The following RPL37A variants were observed in gnomAD, a reference collection of about 807,000 sequenced individuals.
RPL37A encodes the protein large ribosomal subunit protein eL43.
Under a neutral mutation model 13.6 loss-of-function variants are expected in RPL37A, and 5 were observed. The observed-to-expected ratio is 0.37, with a 90% CI of 0.19 to 0.78. RPL37A has a LOEUF of 0.78. Ranked by LOEUF, RPL37A falls within the 30% of genes least tolerant of loss-of-function variation. The pLI is 0.49. For synonymous variants in RPL37A, 50 were observed against 44.4 expected (o/e 1.13, Z -0.50); for missense variants, 77 against 120.0 (o/e 0.64, Z 1.67).
At position 216,501,652 on chromosome 2, in the gene RPL37A, C is replaced by A; in HGVS notation, c.*248C>A. On this transcript the variant is annotated 3_prime_UTR_variant, in exon 4 of 4. Coordinates refer to ENST00000491306, the MANE Select transcript of RPL37A (RefSeq NM_000998.5). ...ATATGAGTGTTAGCTTTTTATAAGT[C>A]TGCTCCTGCCAGTTTGACTTTGAGA... 1 of 333,352 alleles carries A rather than the reference C, an allele frequency of 3.0e-6. No individual in the cohort carries two copies. Among genetic ancestry groups the A allele is most frequent in the Non-Finnish European group, 5.5e-6 (1 of 182,932 alleles). The allele number at this position is 333,352 out of a possible 1,614,324, so 20.6% of individuals were successfully genotyped here.
intron 2 of RPL37A, chr2:216,499,636 C>T (rs537094015): frequency 2.4e-4 from 154 of 636,378 alleles, no homozygotes; most frequent in Admixed American, 8.0e-4. Flanking sequence ...TGACAGAGTG[C>T]CCCCAGCCTA....
Position 216,504,064 on chromosome 2 carries a change from G to GT in RPL37A, c.*2661dup, listed in dbSNP as rs1489275280. ...TGAACATTGTGTTGTGATATAAAAA[G>GT]TAAGTTAGGCTTGTGTTTTTCACCA... On this transcript the variant is annotated 3_prime_UTR_variant, in exon 4 of 4. Transcript: ENST00000491306. The GT allele has an allele frequency of 6.6e-6, 1 of 152,222 alleles. No homozygotes were observed. The highest frequency in any genetic ancestry group is 1.5e-5 in the Non-Finnish European group (1 of 68,044). 9.4% of individuals were successfully genotyped at this position (152,222 alleles called of 1,614,324 possible). A position where few individuals can be genotyped will look rare whatever the true frequency, so the allele number is the denominator to read the frequency against.
chr2:216,499,912 T>TA, intron 2 of RPL37A, 37 bp from the exon 3 acceptor site: 4 of 1,541,032 alleles, frequency 2.6e-6, no homozygotes, highest in Non-Finnish European at 2.7e-6. Context: ...AGAAAATACT[T>TA]ACTTGGTTCA....
chr2:216,499,834 A>G, intron 2 of RPL37A, 115 bp from the exon 3 acceptor site: 1 of 892,030 alleles, frequency 1.1e-6, no homozygotes. Flanking sequence ...TTTTTGAGGG[A>G]GAAAGGGAGG....
intron 3 of RPL37A, chr2:216,501,041 CTGGT>C (rs1218802832): frequency 4.6e-6 from 1 of 219,584 alleles, no homozygotes; most frequent in Non-Finnish European, 9.0e-6. Flanking sequence ...AAAAGCAACT[CTGGT>C]TGAGAAATCA....
At position 216,499,952 on chromosome 2, in the gene RPL37A, A is replaced by G. The variant is rs1804340; in HGVS notation, c.136A>G (p.Lys46Glu). 6.2e-7 allele frequency: 1 copy of G among 1,613,826 alleles called. No homozygotes were observed. Among genetic ancestry groups the G allele is most frequent in the Non-Finnish European group, 8.5e-7 (1 of 1,179,676 alleles). Reference sequence around the variant, plus strand: ...GAAAATTGGTTCTCTTTTATAGACCAAGATGAAGAGACGAGCTGTGGGGAT... The same window carrying G: ...GAAAATTGGTTCTCTTTTATAGACCGAGATGAAGAGACGAGCTGTGGGGAT... Reference protein sequence around the residue: ...KYTCSFCGKTKMKRRAVGIWH... With the variant: ...KYTCSFCGKTEMKRRAVGIWH... Residue 46 changes from lysine (K) to glutamate (E), a missense_variant, in exon 3 of 4, where the codon AAG becomes GAG. Transcript: ENST00000491306.
At chr2:216,499,185 G>A in intron 1 of RPL37A, 85 bp from the exon 2 acceptor site, 1 of 1,470,550 alleles carries the variant, frequency 6.8e-7, no homozygotes, top group Admixed American at 2.1e-5. Flanking sequence ...TCACACGTCA[G>A]TGAGGTGGAG....
chr2:216,499,489 T>C, intron 2 of RPL37A, 91 bp downstream of exon 2: 1 of 1,471,060 alleles, frequency 6.8e-7, no homozygotes, highest in Non-Finnish European at 9.2e-7. Context: ...ATAAGCCGTG[T>C]GCTGGTGGGC....
rs930024670 is a variant in RPL37A at position 216,501,562 on chromosome 2, T to C, written c.*158T>C. The C allele has an allele frequency of 2.3e-5, 12 of 526,894 alleles. No homozygotes were observed. The highest frequency in any genetic ancestry group is 3.9e-5 in the African/African-American group (2 of 51,926). The allele number at this position is 526,894 out of a possible 1,614,324, so 32.6% of individuals were successfully genotyped here. On this transcript the variant is annotated 3_prime_UTR_variant, in exon 4 of 4. Coordinates refer to ENST00000491306, the MANE Select transcript of RPL37A (RefSeq NM_000998.5). The stretch of plus-strand genomic sequence containing the variant: ...AGCATGCCAAGATGGATTATTGTAA[T>C]TCAGTGTCTTTTTTAGTAGTCAAAT...
rs970569291 is a variant in RPL37A, at chr2:216,500,228, C to G, written c.215+197C>G. 1.2e-5 allele frequency: 7 copies of G among 598,364 alleles called. No homozygotes were observed. The Admixed American group carries it at 1.5e-4, about 13-fold the overall frequency. 37.1% of individuals were successfully genotyped at this position (598,364 alleles called of 1,614,324 possible). A position where few individuals can be genotyped will look rare whatever the true frequency, so the allele number is the denominator to read the frequency against. Reference sequence around the variant, plus strand: ...AACACAAAACTACCAAAATAGAAGTCGGAAATCTAATTCACAGACTACTTT... The same window carrying G: ...AACACAAAACTACCAAAATAGAAGTGGGAAATCTAATTCACAGACTACTTT... On this transcript the variant is annotated intron_variant, in intron 3 of 3. Coordinates refer to ENST00000491306, the MANE Select transcript of RPL37A (RefSeq NM_000998.5).
chr2:216,499,262 C>G lies in RPL37A; in HGVS notation c.4-8C>G. On this transcript the variant is annotated splice_region_variant and splice_polypyrimidine_tract_variant and intron_variant, in intron 1 of 3. Coordinates refer to ENST00000491306, the MANE Select transcript of RPL37A (RefSeq NM_000998.5). ...TCTATCACTGGTTTCTCCCTTCACT[C>G]TAAACAGGCCAAACGTACCAAGAAA... The G allele has an allele frequency of 6.2e-7, 1 of 1,611,222 alleles. No homozygotes were observed. The highest frequency in any genetic ancestry group is 1.1e-5 in the South Asian group (1 of 90,796).
In RPL37A at chr2:216,502,686, T is replaced by A. The variant is rs908317688; in HGVS notation, c.*1282T>A. The A allele has an allele frequency of 2.0e-5, 3 of 152,248 alleles. No homozygotes were observed. Among genetic ancestry groups the A allele is most frequent in the African/African-American group, 7.2e-5 (3 of 41,468 alleles). The allele number at this position is 152,248 out of a possible 1,614,324, so 9.4% of individuals were successfully genotyped here. A position where few individuals can be genotyped will look rare whatever the true frequency, so the allele number is the denominator to read the frequency against. ...CCTCCTAATTGGTATGTCTTTTATC[T>A]ATCCCAGAGTCAGTAGTCCTTTAAG... On this transcript the variant is annotated 3_prime_UTR_variant, in exon 4 of 4. Transcript: ENST00000491306.
intron 3 of RPL37A, chr2:216,500,441 T>C: frequency 3.7e-6 from 1 of 270,428 alleles, no homozygotes; most frequent in Non-Finnish European, 7.2e-6. Context: ...GTTTCGTCTT[T>C]CTGAACAGTA....
chr2:216,499,275 A>G lies in RPL37A; in HGVS notation c.9A>G (p.Lys3=), dbSNP rs1375389464. Residue 3 remains lysine (K), a synonymous_variant, in exon 2 of 4, where the codon AAA becomes AAG. Coordinates refer to ENST00000491306, the MANE Select transcript of RPL37A (RefSeq NM_000998.5). ...TCTCCCTTCACTCTAAACAGGCCAA[A>G]CGTACCAAGAAAGTCGGGATCGTCG... is the stretch of plus-strand genomic sequence containing the variant. MA[K]RTKKVGIVGK... is the part of the protein sequence containing the mutation. 5 of 1,612,460 alleles carry G rather than the reference A, an allele frequency of 3.1e-6. No homozygotes were observed. The highest frequency in any genetic ancestry group is 4.2e-6 in the Non-Finnish European group (5 of 1,179,810).
intron 2 of RPL37A, 125 bp downstream of exon 2, chr2:216,499,523 AT>A: frequency 8.7e-7 from 1 of 1,148,130 alleles, no homozygotes; most frequent in Non-Finnish European, 1.2e-6. Context: ...CATACCGTTG[AT>A]TATGAGTTTT....
Position 216,499,433 on chromosome 2 carries a change from G to T in RPL37A, c.132+35G>T, listed in dbSNP as rs771516266. 78 of 1,610,390 alleles carry T rather than the reference G, an allele frequency of 4.8e-5. 1 individual carries two copies. In the South Asian group the frequency reaches 5.5e-4, roughly 11 times the overall value. On this transcript the variant is annotated intron_variant, in intron 2 of 3. Coordinates refer to ENST00000491306, the MANE Select transcript of RPL37A (RefSeq NM_000998.5). ...GCAAAGTCTCTGGTGAGAGGAGAGG[G>T]AGGGCAGGTTTCTTACCCAAGTGAG...
rs915792452 is a variant in RPL37A, at chr2:216,502,727, C to T, written c.*1323C>T. On this transcript the variant is annotated 3_prime_UTR_variant, in exon 4 of 4. Coordinates refer to ENST00000491306, the MANE Select transcript of RPL37A (RefSeq NM_000998.5). ...GTCCTTTAAGGATGCAAATTTAATT[C>T]GATAAGAATGTGGATTTACTTCATC... is the stretch of plus-strand genomic sequence containing the variant. The T allele has an allele frequency of 1.3e-5, 2 of 152,166 alleles. No individual in the cohort carries two copies. Among genetic ancestry groups the T allele is most frequent in the African/African-American group, 2.4e-5 (1 of 41,434 alleles). 9.4% of individuals were successfully genotyped at this position (152,166 alleles called of 1,614,324 possible). A position where few individuals can be genotyped will look rare whatever the true frequency, so the allele number is the denominator to read the frequency against.
At position 216,503,218 on chromosome 2, in the gene RPL37A, C is replaced by T. The variant is rs986501153; in HGVS notation, c.*1814C>T. The T allele has an allele frequency of 2.0e-5, 3 of 152,080 alleles. No homozygotes were observed. Among genetic ancestry groups the T allele is most frequent in the Non-Finnish European group, 4.4e-5 (3 of 68,028 alleles). 9.4% of individuals were successfully genotyped at this position (152,080 alleles called of 1,614,324 possible). A position where few individuals can be genotyped will look rare whatever the true frequency, so the allele number is the denominator to read the frequency against. On this transcript the variant is annotated 3_prime_UTR_variant, in exon 4 of 4. Coordinates refer to ENST00000491306, the MANE Select transcript of RPL37A (RefSeq NM_000998.5). ...TAAGAACACCAACTTAGCCAAACTG[C>T]CTAGATAGTTGGGTGACTTGGGTTA...
rs1332911324 is a variant in RPL37A, at chr2:216,501,646, A to G, written c.*242A>G. On this transcript the variant is annotated 3_prime_UTR_variant, in exon 4 of 4. Coordinates refer to ENST00000491306, the MANE Select transcript of RPL37A (RefSeq NM_000998.5). ...AGTTAGATATGAGTGTTAGCTTTTTATAAGTCTGCTCCTGCCAGTTTGACT... is the reference window on the plus strand; with the variant it reads ...AGTTAGATATGAGTGTTAGCTTTTTGTAAGTCTGCTCCTGCCAGTTTGACT... 3 of 359,540 alleles carry G rather than the reference A, an allele frequency of 8.3e-6. No individual in the cohort carries two copies. The highest frequency in any genetic ancestry group is 1.5e-5 in the Non-Finnish European group (3 of 198,586). 22.3% of individuals were successfully genotyped at this position (359,540 alleles called of 1,614,324 possible). A position where few individuals can be genotyped will look rare whatever the true frequency, so the allele number is the denominator to read the frequency against.
Sources: allele counts gnomAD v4.1 joint callset, GRCh38; gene constraint gnomAD v4.1.1; transcripts MANE v1.5; gene names NCBI Gene and HGNC (gene_info 2026-07-23, HGNC 2026-07-21).